Variants in NLRP9 observed in about 807,000 individuals in gnomAD.
NLRP9 encodes the protein NACHT, LRR and PYD domains-containing protein 9.
In NLRP9, 88 loss-of-function variants were observed where a neutral mutation model predicts 83.1. The observed-to-expected ratio is 1.06, with a 90% CI of 0.89 to 1.26. The LOEUF is 1.26. Among genes scored for constraint, NLRP9 ranks in the 50% most tolerant of loss-of-function variants. The probability of loss-of-function intolerance (pLI) is 0.00; values close to 1 mark genes in which losing one functional copy is unlikely to be tolerated. For synonymous variants in NLRP9, 521 were observed against 447.6 expected (o/e 1.16, Z -2.07); for missense variants, 1,308 against 1,179.3 (o/e 1.11, Z -1.60).
chr19:55,715,386 C>A (rs1987970040), intron 5 of NLRP9, among the ~76,000 whole-genome samples, 161 bp from the exon 6 acceptor site: 1 of 152,106 alleles, frequency 6.6e-6, no homozygotes, highest in African/African-American at 2.4e-5. Context: ...ACTCTGCTGT[C>A]ACTCAAGAAA....
At chr19:55,725,324 A>T (rs1001983205) in intron 3 of NLRP9, among the ~76,000 whole-genome samples, 3 of 152,234 alleles carry the variant, frequency 2.0e-5, no homozygotes, top group Non-Finnish European at 4.4e-5. Context: ...TTTACAAACC[A>T]GACACACGTA....
In NLRP9 at chr19:55,731,979, G is replaced by A. The variant is rs2122330079; in HGVS notation, c.1832+20C>T. 6.9e-7 allele frequency: 1 copy of A among 1,457,906 alleles called. No homozygotes were observed. Among genetic ancestry groups the A allele is most frequent in the Non-Finnish European group, 9.3e-7 (1 of 1,072,800 alleles). The allele number at this position is 1,457,906 out of a possible 1,614,324, so 90.3% of individuals were successfully genotyped here. ...CTCCAAGTGTAGTGTGTGGGACGGGGGATTAATAGACAGACTCACTCTGAG... is the reference window on the plus strand; with the variant it reads ...CTCCAAGTGTAGTGTGTGGGACGGGAGATTAATAGACAGACTCACTCTGAG... On this transcript the variant is annotated intron_variant, in intron 2 of 8. Coordinates refer to ENST00000332836, the MANE Select transcript of NLRP9 (RefSeq NM_176820.4).
chr19:55,711,096 AAC>A (rs1481477586), intron 8 of NLRP9, among the ~76,000 whole-genome samples: 11 of 123,530 alleles, frequency 8.9e-5, no homozygotes, highest in East Asian at 2.4e-4. Context: ...AAAAAAACAA[AAC>A]AAAACAAAAC....
chr19:55,715,266 G>A (rs774981428), intron 5 of NLRP9, 41 bp from the exon 6 acceptor site: 1 of 1,556,198 alleles, frequency 6.4e-7, no homozygotes, highest in Non-Finnish European at 8.8e-7. Context: ...CTGAACAGCA[G>A]TACATCATTC....
At chr19:55,725,595 A>C (rs1988375488) in intron 3 of NLRP9, among the ~76,000 whole-genome samples, 1 of 152,112 alleles carries the variant, frequency 6.6e-6, no homozygotes, top group African/African-American at 2.4e-5. Flanking sequence ...TAAATGTCTG[A>C]GTGACACCCA....
At chr19:55,736,241 A>G (rs957169768) in intron 1 of NLRP9, among the ~76,000 whole-genome samples, 5 of 151,820 alleles carry the variant, frequency 3.3e-5, no homozygotes, top group African/African-American at 1.2e-4. Context: ...AATACAAAAA[A>G]TTATCTGGGC....
rs778381687 is a variant in NLRP9, at chr19:55,716,752, G to C, written c.2306C>G (p.Ser769Ter). 3 of 1,613,748 alleles carry C rather than the reference G, an allele frequency of 1.9e-6. No homozygotes were observed. In the African/African-American group the frequency reaches 4.0e-5, roughly 22 times the overall value. ...MTLLCEALKH[S>*]HCALERLMLM... ...CATCAGCCTCTCCAGGGCACAGTGTGAGTGCTTCAGGGCTTCACACAGCAA... is the reference window on the plus strand; with the variant it reads ...CATCAGCCTCTCCAGGGCACAGTGTCAGTGCTTCAGGGCTTCACACAGCAA... Residue 769 changes from serine to a stop codon, truncating the protein, a stop_gained, in exon 5 of 9, where the codon TCA becomes TGA. Coordinates refer to ENST00000332836, the MANE Select transcript of NLRP9 (RefSeq NM_176820.4). LOFTEE classifies it high-confidence loss of function.
At chr19:55,728,122 G>T (rs896508445) in intron 3 of NLRP9, among the ~76,000 whole-genome samples, 25 of 152,154 alleles carry the variant, frequency 1.6e-4, no homozygotes, top group African/African-American at 5.8e-4. Flanking sequence ...TTTTACTGGG[G>T]CTTGTCATAT....
chr19:55,730,779 G>A (rs553395201), intron 2 of NLRP9, among the ~76,000 whole-genome samples: 1 of 152,222 alleles, frequency 6.6e-6, no homozygotes, highest in Admixed American at 6.5e-5. Context: ...TGGGAGGAGG[G>A]AGAGCATCAG....
At position 55,734,542 on chromosome 19, in the gene NLRP9, T is replaced by C. The variant is rs866074936; in HGVS notation, c.281-992A>G. 2.5e-3 allele frequency among the ~76,000 whole-genome samples: 368 copies of C among 148,564 alleles called. 2 individuals are homozygous for C. The highest frequency in any genetic ancestry group is 7.4e-3 in the African/African-American group (302 of 40,576). ...ACACACACACATATATATATATATA[T>C]ACATATATACGCACACACATATATA... On this transcript the variant is annotated intron_variant, in intron 1 of 8. Transcript: ENST00000332836.
At chr19:55,711,131 T>A (rs191369823) in intron 8 of NLRP9, among the ~76,000 whole-genome samples, 5 of 148,870 alleles carry the variant, frequency 3.4e-5, no homozygotes, top group Non-Finnish European at 6.0e-5. Flanking sequence ...TTAAACAACA[T>A]ATTGTGAACT....
chr19:55,735,769 C>A (rs144173421), intron 1 of NLRP9, among the ~76,000 whole-genome samples: 3,233 of 152,138 alleles, frequency 0.021, 83 homozygotes, highest in African/African-American at 0.059. Flanking sequence ...CTCACTGCAA[C>A]TTCCACCTCC....
chr19:55,721,739 T>C lies in NLRP9; in HGVS notation c.2159+2241A>G, dbSNP rs528574563. On this transcript the variant is annotated intron_variant, in intron 4 of 8. Coordinates refer to ENST00000332836, the MANE Select transcript of NLRP9 (RefSeq NM_176820.4). ...GTGGGAGGGACCCAGTGGAAGATAA[T>C]TAAATCACAGGGGCGGGTCTTTCCC... Among the ~76,000 whole-genome samples, 9 of 152,234 alleles carry C rather than the reference T, an allele frequency of 5.9e-5. No individual in the cohort carries two copies. The South Asian group carries it at 1.9e-3, about 32-fold the overall frequency.
intron 3 of NLRP9, 84 bp from the exon 4 acceptor site, chr19:55,724,228 C>T: frequency 1.1e-6 from 1 of 918,480 alleles, no homozygotes; most frequent in Non-Finnish European, 1.6e-6. Flanking sequence ...TCTTCCTGCC[C>T]TGAATGCTGG....
chr19:55,719,177 A>G (rs1988139151), intron 4 of NLRP9, among the ~76,000 whole-genome samples: 1 of 152,192 alleles, frequency 6.6e-6, no homozygotes, highest in African/African-American at 2.4e-5. Flanking sequence ...GATTTGCTAG[A>G]GTGGATCACA....
At chr19:55,721,171 AG>A (rs1988213211) in intron 4 of NLRP9, among the ~76,000 whole-genome samples, 1 of 152,188 alleles carries the variant, frequency 6.6e-6, no homozygotes, top group Non-Finnish European at 1.5e-5. Context: ...AAAGTTTCCT[AG>A]TTTTAAGAAT....
chr19:55,708,905 T>C lies in NLRP9; in HGVS notation c.*7A>G. On this transcript the variant is annotated 3_prime_UTR_variant, in exon 9 of 9. Coordinates refer to ENST00000332836, the MANE Select transcript of NLRP9 (RefSeq NM_176820.4). ...TTTGTGAGACGACTACTTCAGGGTG[T>C]TCCCCATCAGAGGAGCACACCCCTG... 1.3e-6 allele frequency: 2 copies of C among 1,532,938 alleles called. No homozygotes were observed. The highest frequency in any genetic ancestry group is 1.3e-5 in the South Asian group (1 of 77,962). 95.0% of individuals were successfully genotyped at this position (1,532,938 alleles called of 1,614,324 possible).
At chr19:55,713,271 A>C (rs1263526982) in intron 6 of NLRP9, among the ~76,000 whole-genome samples, 1 of 151,650 alleles carries the variant, frequency 6.6e-6, no homozygotes, top group African/African-American at 2.4e-5. Flanking sequence ...GATTCCTTAC[A>C]GTACTTATTA....
chr19:55,708,913 C>G lies in NLRP9; in HGVS notation c.2975G>C (p.Ter992SerextTer5), dbSNP rs370051834. The G allele has an allele frequency of 9.7e-6, 15 of 1,539,392 alleles. No homozygotes were observed. Among genetic ancestry groups the G allele is most frequent in the Non-Finnish European group, 1.2e-5 (14 of 1,152,540 alleles). The change falls in exon 9 of 9, where the codon TGA becomes TCA. Residue 992 changes from the stop codon to serine (S), a stop_lost. Coordinates refer to ENST00000332836, the MANE Select transcript of NLRP9 (RefSeq NM_176820.4). ...ACGACTACTTCAGGGTGTTCCCCAT[C>G]AGAGGAGCACACCCCTGATCTTGTA... ...EEYKIRGVLL[*>S] is the part of the protein sequence containing the mutation.
Sources: allele counts gnomAD v4.1 joint callset (sites outside exome capture counted in the v4.1 genomes callset), GRCh38; gene constraint gnomAD v4.1.1; transcripts MANE v1.5; gene names NCBI Gene and HGNC (gene_info 2026-07-23, HGNC 2026-07-21).